The following REEP2 variants were observed in gnomAD, a reference collection of about 807,000 sequenced individuals.
REEP2 encodes the protein receptor expression-enhancing protein 2.
Under a neutral mutation model 32.1 loss-of-function variants are expected in REEP2, and 9 were observed. The ratio of observed to expected loss-of-function variants is 0.28; its 90% CI spans 0.17 to 0.49. The LOEUF (loss-of-function observed/expected upper bound fraction) is 0.49. Among genes scored for constraint, REEP2 ranks in the 20% least tolerant of loss-of-function variants. REEP2 has a pLI of 0.99. For missense variants in REEP2, 236 were observed against 338.0 expected (o/e 0.70, Z 2.37); for synonymous variants, 128 against 139.1 (o/e 0.92, Z 0.56).
intron 1 of REEP2, among the ~76,000 whole-genome samples, chr5:138,440,394 C>T (rs546745352): frequency 1.3e-5 from 2 of 152,350 alleles, no homozygotes; most frequent in Non-Finnish European, 2.9e-5. Flanking sequence ...TCTTCTTTCC[C>T]GGCCTGTGTC....
At position 138,441,588 on chromosome 5, in the gene REEP2, C is replaced by CTT; in HGVS notation, c.182+128_182+129dup. On this transcript the variant is annotated intron_variant, in intron 3 of 7. Transcript: ENST00000378339. The surrounding 1 kb of genome is among the most constrained non-coding windows in gnomAD (Gnocchi z 4.4). ...CCATTCCTGACAATTTCATGGGGTC[C>CTT]TTGATATCTCCCCTCTCATGCCTAA... 1.3e-6 allele frequency: 1 copy of CTT among 753,624 alleles called. No individual in the cohort carries two copies. Among genetic ancestry groups the CTT allele is most frequent in the Non-Finnish European group, 2.3e-6 (1 of 435,302 alleles). 46.7% of individuals were successfully genotyped at this position (753,624 alleles called of 1,614,324 possible).
intron 1 of REEP2, chr5:138,439,916 G>A (rs1763791085): frequency 3.1e-5 from 12 of 383,818 alleles, no homozygotes; most frequent in South Asian, 1.5e-4. Context: ...CAGGCTGCCA[G>A]CCACACTGTG....
In REEP2 at chr5:138,441,322, G is replaced by C; in HGVS notation, c.106-63G>C. On this transcript the variant is annotated intron_variant, in intron 2 of 7. Transcript: ENST00000378339. The surrounding 1 kb of genome is among the most constrained non-coding windows in gnomAD (Gnocchi z 4.4). Reference sequence around the variant, plus strand: ...AGGCATGTTCAACAGGCAGAGCTGGGGTCCTGGGTGTCCCTGGCCCCTCAG... The same window carrying C: ...AGGCATGTTCAACAGGCAGAGCTGGCGTCCTGGGTGTCCCTGGCCCCTCAG... 2.7e-6 allele frequency: 4 copies of C among 1,464,776 alleles called. No individual in the cohort carries two copies. Among genetic ancestry groups the C allele is most frequent in the Non-Finnish European group, 3.8e-6 (4 of 1,044,078 alleles). 90.7% of individuals were successfully genotyped at this position (1,464,776 alleles called of 1,614,324 possible). A position where few individuals can be genotyped will look rare whatever the true frequency, so the allele number is the denominator to read the frequency against.
Position 138,441,846 on chromosome 5 carries a change from G to T in REEP2, c.182+385G>T, listed in dbSNP as rs1362379067. ...GGAGGCTGAGGCAAGAGAATTGCTT[G>T]AACCCAGGAGGTAGAGGTTGCAGTG... On this transcript the variant is annotated intron_variant, in intron 3 of 7. Coordinates refer to ENST00000378339, the MANE Select transcript of REEP2 (RefSeq NM_001271803.2). The surrounding 1 kb of genome is among the most constrained non-coding windows in gnomAD (Gnocchi z 4.4). Among the ~76,000 whole-genome samples the T allele has an allele frequency of 6.6e-6, 1 of 152,040 alleles. No homozygotes were observed. The highest frequency in any genetic ancestry group is 2.4e-5 in the African/African-American group (1 of 41,396).
At position 138,439,123 on chromosome 5, in the gene REEP2, G is replaced by C. The variant is rs2127019987; in HGVS notation, c.-86G>C. 1 of 844,624 alleles carries C rather than the reference G, an allele frequency of 1.2e-6. No individual in the cohort carries two copies. The highest frequency in any genetic ancestry group is 1.5e-6 in the Non-Finnish European group (1 of 655,546). The allele number at this position is 844,624 out of a possible 1,614,324, so 52.3% of individuals were successfully genotyped here. On this transcript the variant is annotated 5_prime_UTR_variant, in exon 1 of 8. Coordinates refer to ENST00000378339, the MANE Select transcript of REEP2 (RefSeq NM_001271803.2). ...GGCTGCTGCTGCTACTGCGGCTCCT[G>C]CTGCCGCCGCCGCCGCCGCTCGGCC...
Position 138,441,595 on chromosome 5 carries a change from T to G in REEP2, c.182+134T>G, listed in dbSNP as rs1017333721. ...TGACAATTTCATGGGGTCCTTGATA[T>G]CTCCCCTCTCATGCCTAACTTGACC... On this transcript the variant is annotated intron_variant, in intron 3 of 7. Coordinates refer to ENST00000378339, the MANE Select transcript of REEP2 (RefSeq NM_001271803.2). This position sits in a 1 kb window ranked among gnomAD's most constrained non-coding sequence, Gnocchi z 4.4. 1.4e-6 allele frequency: 1 copy of G among 731,398 alleles called. No homozygotes were observed. The allele number at this position is 731,398 out of a possible 1,614,324, so 45.3% of individuals were successfully genotyped here. A position where few individuals can be genotyped will look rare whatever the true frequency, so the allele number is the denominator to read the frequency against.
intron 1 of REEP2, 125 bp from the exon 2 acceptor site, chr5:138,440,891 G>A: frequency 6.5e-7 from 1 of 1,541,246 alleles, no homozygotes; most frequent in Non-Finnish European, 8.7e-7. Flanking sequence ...CCTGACCTGA[G>A]TTCATCAGTC....
At chr5:138,439,364 G>T (rs954155372) in intron 1 of REEP2, 124 bp downstream of exon 1, 26 of 1,029,400 alleles carry the variant, frequency 2.5e-5, no homozygotes, top group Non-Finnish European at 3.6e-5. Flanking sequence ...TCCTTATTTG[G>T]GGCCCCCAGA....
Position 138,444,483 on chromosome 5 carries a change from C to T in REEP2, c.251C>T (p.Ser84Phe). 1 of 1,614,124 alleles carries T rather than the reference C, an allele frequency of 6.2e-7. No individual in the cohort carries two copies. Among genetic ancestry groups the T allele is most frequent in the Non-Finnish European group, 8.5e-7 (1 of 1,179,994 alleles). The part of the protein sequence containing the change: ...IWLLSPYTKG[S>F]SVLYRKFVHP... ...CTGCTGTCCCCTTACACCAAGGGCT[C>T]CAGCGTGCTCTACCGCAAGTTCGTG... The change falls in exon 4 of 8, where the codon TCC (serine) becomes TTC (phenylalanine). Residue 84 changes from serine to phenylalanine, a missense_variant. Physicochemically the swap from Ser to Phe is radical, Grantham distance 155. Coordinates refer to ENST00000378339, the MANE Select transcript of REEP2 (RefSeq NM_001271803.2).
At chr5:138,445,120 C>G (rs1763901049) in intron 5 of REEP2, 108 bp from the exon 6 acceptor site, 3 of 1,242,150 alleles carry the variant, frequency 2.4e-6, no homozygotes, top group South Asian at 2.9e-5. Context: ...TGGGTGAGGA[C>G]AGTGTGGGGA....
intron 1 of REEP2, among the ~76,000 whole-genome samples, chr5:138,440,344 C>T (rs977843294): frequency 6.6e-6 from 1 of 152,274 alleles, no homozygotes; most frequent in Non-Finnish European, 1.5e-5. Context: ...AGGGTGGCTG[C>T]TTCTCTCTTG....
At chr5:138,445,439 C>T in intron 6 of REEP2, 29 bp from the exon 7 acceptor site, 1 of 1,613,768 alleles carries the variant, frequency 6.2e-7, no homozygotes, top group South Asian at 1.1e-5. Context: ...GGGAAAGATT[C>T]CCCCACCTCC....
Position 138,445,570 on chromosome 5 carries a change from A to C in REEP2, c.668A>C (p.Lys223Thr). 1 of 1,614,146 alleles carries C rather than the reference A, an allele frequency of 6.2e-7. No individual in the cohort carries two copies. Residue 223 changes from lysine to threonine, a missense_variant, in exon 7 of 8, where the codon AAA (lysine) becomes ACA (threonine). Lys to Thr is a moderately conservative substitution (Grantham distance 78, BLOSUM62 -1). Transcript: ENST00000378339. ...GGAGACAAAGCTCCCAAGAGGGCCA[A>C]ACCCATCAAAAAAGCGCCCAAAGCT... is the stretch of plus-strand genomic sequence containing the variant. ...DMGDKAPKRA[K>T]PIKKAPKAEP...
intron 3 of REEP2, chr5:138,443,768 G>A (rs1047937519): frequency 6.6e-6 from 1 of 152,152 alleles, no homozygotes; most frequent in Non-Finnish European, 1.5e-5. Flanking sequence ...TTGAACTCCT[G>A]GGCTCAGATG....
intron 5 of REEP2, 91 bp from the exon 6 acceptor site, chr5:138,445,137 C>G (rs566421956): frequency 3.5e-6 from 5 of 1,418,478 alleles, no homozygotes; most frequent in Non-Finnish European, 4.7e-6. Flanking sequence ...GGGAGGGCAC[C>G]GAGCCTGGGG....
intron 1 of REEP2, 147 bp from the exon 2 acceptor site, chr5:138,440,869 T>G: frequency 6.8e-7 from 1 of 1,465,440 alleles, no homozygotes; most frequent in South Asian, 1.3e-5. Flanking sequence ...CCATGCTGCT[T>G]TGACCTTAAC....
At position 138,445,239 on chromosome 5, in the gene REEP2, G is replaced by A. The variant is rs1465264322; in HGVS notation, c.429G>A (p.Val143=). ...GGTGGTGACCCTAGGGCCAGGGGGTGCTGTCAGAGAAGCTCCGCAGCTTCA... is the reference window on the plus strand; with the variant it reads ...GGTGGTGACCCTAGGGCCAGGGGGTACTGTCAGAGAAGCTCCGCAGCTTCA... ...AVTAAAKGQG[V]LSEKLRSFSM... is the part of the protein sequence containing the mutation. Residue 143 remains valine, a synonymous_variant, in exon 6 of 8, where the codon GTG becomes GTA. Transcript: ENST00000378339. The A allele has an allele frequency of 2.8e-5, 45 of 1,608,468 alleles. 1 individual carries two copies. In the East Asian group the frequency reaches 1.0e-3, roughly 36 times the overall value.
At chr5:138,444,239 G>T in intron 3 of REEP2, 176 bp from the exon 4 acceptor site, 1 of 633,234 alleles carries the variant, frequency 1.6e-6, no homozygotes, top group Non-Finnish European at 2.6e-6. Flanking sequence ...TGGAGCTTCA[G>T]CTGAGCCCTC....
In REEP2 at chr5:138,446,121, G is replaced by A. The variant is rs1443977803; in HGVS notation, c.*370G>A. ...AGGTCCTGTCGTGTTTCCACTGCTC[G>A]CCTTGGTTTGGGAGCAGGGAGGGGG... On this transcript the variant is annotated 3_prime_UTR_variant, in exon 8 of 8. Transcript: ENST00000378339. The A allele has an allele frequency of 1.9e-5, 4 of 206,532 alleles. No individual in the cohort carries two copies. Among genetic ancestry groups the A allele is most frequent in the Admixed American group, 5.3e-5 (1 of 19,046 alleles). The allele number at this position is 206,532 out of a possible 1,614,324, so 12.8% of individuals were successfully genotyped here.
Sources: allele counts gnomAD v4.1 joint callset (sites outside exome capture counted in the v4.1 genomes callset), GRCh38; gene constraint gnomAD v4.1.1; non-coding constraint Gnocchi (gnomAD v3.1); transcripts MANE v1.5; gene names NCBI Gene and HGNC (gene_info 2026-07-23, HGNC 2026-07-21).